Variants in DOCK8 observed in about 807,000 individuals in gnomAD.
DOCK8 encodes the protein dedicator of cytokinesis 8.
DOCK8 carries 141 observed loss-of-function variants against 245.6 expected under a neutral mutation model. The ratio of observed to expected loss-of-function variants is 0.57; its 90% CI spans 0.50 to 0.66. The LOEUF (loss-of-function observed/expected upper bound fraction) is 0.66, where lower values mean the gene tolerates loss of function less well. Ranked by LOEUF, DOCK8 falls within the 30% of genes least tolerant of loss-of-function variation. DOCK8 has a pLI of 0.00. For synonymous variants in DOCK8, 1,168 were observed against 970.2 expected (o/e 1.20, Z -3.79); for missense variants, 2,965 against 2,603.4 (o/e 1.14, Z -3.02).
chr9:340,050 C>A, intron 13 of DOCK8, 109 bp from the exon 14 acceptor site: 1 of 1,313,922 alleles, frequency 7.6e-7, no homozygotes, highest in Non-Finnish European at 1.1e-6. Flanking sequence ...TTTTACAGTA[C>A]TATAGTTTGT....
chr9:416,998 T>A (rs188201014), intron 29 of DOCK8, among the ~76,000 whole-genome samples: 73 of 152,344 alleles, frequency 4.8e-4, no homozygotes, highest in Non-Finnish European at 1.3e-4. Context: ...TAAGTATTTC[T>A]AAAAATTGGG....
rs114833839 is a variant in DOCK8 at position 304,711 on chromosome 9, C to G, written c.528+7C>G. The G allele has an allele frequency of 1.2e-6, 2 of 1,614,008 alleles. No homozygotes were observed. Among genetic ancestry groups the G allele is most frequent in the Admixed American group, 1.7e-5 (1 of 59,994 alleles). Reference sequence around the variant, plus strand: ...CAGTGAACCCGCTGCTCAGGTATTTCCTGTCAACAAACATGGTTACCAGGT... The same window carrying G: ...CAGTGAACCCGCTGCTCAGGTATTTGCTGTCAACAAACATGGTTACCAGGT... On this transcript the variant is annotated splice_region_variant and intron_variant, in intron 5 of 47. Coordinates refer to ENST00000432829, the MANE Select transcript of DOCK8 (RefSeq NM_203447.4).
At chr9:351,406 T>C (rs113953110) in intron 14 of DOCK8, among the ~76,000 whole-genome samples, 2 of 152,212 alleles carry the variant, frequency 1.3e-5, no homozygotes, top group African/African-American at 4.8e-5. Context: ...AGGGAGTGCC[T>C]TTCTCACTCA....
intron 18 of DOCK8, 102 bp from the exon 19 acceptor site, chr9:376,108 T>A (rs977828608): frequency 2.8e-5 from 24 of 863,736 alleles, no homozygotes; most frequent in Non-Finnish European, 4.2e-5. Flanking sequence ...AGTTCTGTAT[T>A]TGTATAACCC....
intron 1 of DOCK8, among the ~76,000 whole-genome samples, chr9:265,403 C>T (rs7021486): frequency 0.029 from 4,409 of 152,252 alleles, 191 homozygotes; most frequent in African/African-American, 0.1. Flanking sequence ...TGGTTGCATG[C>T]ATAGGTACAC....
chr9:396,940 T>A lies in DOCK8; in HGVS notation c.3120+6T>A. ...TTTTAGTAAAACCACAGAAGGTAAC[T>A]GTATTTTACTCTTTATTTTCTAAAT... On this transcript the variant is annotated splice_donor_region_variant and intron_variant, in intron 25 of 47. Transcript: ENST00000432829. 6.2e-7 allele frequency: 1 copy of A among 1,613,346 alleles called. No homozygotes were observed. Among genetic ancestry groups the A allele is most frequent in the South Asian group, 1.1e-5 (1 of 91,070 alleles).
At chr9:226,935 A>C (rs751592302) in intron 1 of DOCK8, among the ~76,000 whole-genome samples, 1 of 152,218 alleles carries the variant, frequency 6.6e-6, no homozygotes, top group African/African-American at 2.4e-5. Context: ...AGAAAGCTAT[A>C]TGCGTAATAT....
At chr9:397,607 T>G (rs2054524979) in intron 25 of DOCK8, among the ~76,000 whole-genome samples, 1 of 151,198 alleles carries the variant, frequency 6.6e-6, no homozygotes, top group Non-Finnish European at 1.5e-5. Context: ...GAAGAATCGC[T>G]TGAGCCCAGG....
intron 33 of DOCK8, among the ~76,000 whole-genome samples, chr9:425,591 T>C (rs1298457225): frequency 6.6e-6 from 1 of 151,222 alleles, no homozygotes; most frequent in Non-Finnish European, 1.5e-5. Context: ...AATTTGATGT[T>C]ATGTGTACTT....
chr9:400,310 T>TCACCACCACCACCTCCACCATCAC (rs1254588552), intron 26 of DOCK8, among the ~76,000 whole-genome samples: 1 of 13,798 alleles, frequency 7.2e-5, no homozygotes, highest in Non-Finnish European at 1.1e-4. Flanking sequence ...ATCTTCACCG[T>TCACCACCACCACCTCCACCATCAC]CACCACCACC....
intron 27 of DOCK8, 130 bp from the exon 28 acceptor site, chr9:406,800 C>A: frequency 9.1e-7 from 1 of 1,100,798 alleles, no homozygotes; most frequent in Non-Finnish European, 1.3e-6. Flanking sequence ...CCTTATCTGG[C>A]ACCAGAGTAC....
chr9:282,069 G>A (rs930670166), intron 2 of DOCK8, among the ~76,000 whole-genome samples: 4 of 152,194 alleles, frequency 2.6e-5, no homozygotes, highest in Non-Finnish European at 4.4e-5. Context: ...TTGCCACACA[G>A]TGCTTAATGA....
At chr9:367,179 T>G (rs2053046140) in intron 14 of DOCK8, among the ~76,000 whole-genome samples, 1 of 152,092 alleles carries the variant, frequency 6.6e-6, no homozygotes, top group Non-Finnish European at 1.5e-5. Flanking sequence ...TGACTCAGGA[T>G]AAGTCCTGTT....
intron 1 of DOCK8, among the ~76,000 whole-genome samples, chr9:261,993 G>GGAGA (rs2129786061): frequency 9.4e-6 from 1 of 106,094 alleles, no homozygotes; most frequent in African/African-American, 3.7e-5. Context: ...TCAAAAGAAA[G>GGAGA]AAGGAGAAAG....
At chr9:296,517 G>T (rs962628319) in intron 4 of DOCK8, among the ~76,000 whole-genome samples, 1 of 152,148 alleles carries the variant, frequency 6.6e-6, no homozygotes, top group Non-Finnish European at 1.5e-5. Context: ...AAGGAAGGTT[G>T]AGCTCAAGGA....
At chr9:257,291 G>A (rs1052584717) in intron 1 of DOCK8, among the ~76,000 whole-genome samples, 2 of 152,164 alleles carry the variant, frequency 1.3e-5, no homozygotes, top group Non-Finnish European at 2.9e-5. Flanking sequence ...TTAAATGGAT[G>A]TCTGTTAGAA....
At chr9:270,313 T>C (rs559778297) in intron 1 of DOCK8, among the ~76,000 whole-genome samples, 1 of 152,360 alleles carries the variant, frequency 6.6e-6, no homozygotes, top group Admixed American at 6.5e-5. Flanking sequence ...TCCAGTCTTA[T>C]TCTTCCAATC....
Position 367,868 on chromosome 9 carries a change from A to G in DOCK8, c.1680-150A>G, listed in dbSNP as rs77053404. On this transcript the variant is annotated intron_variant, in intron 14 of 47. Coordinates refer to ENST00000432829, the MANE Select transcript of DOCK8 (RefSeq NM_203447.4). ...GTAGCTGAAGAGGAAGAATCAAGTA[A>G]TTCACTCCCCCCAATAATAATTCAC... 9.0e-3 allele frequency: 6,089 copies of G among 674,876 alleles called. 56 individuals are homozygous for G. Among genetic ancestry groups the G allele is most frequent in the Middle Eastern group, 0.022 (55 of 2,492 alleles). The allele number at this position is 674,876 out of a possible 1,614,324, so 41.8% of individuals were successfully genotyped here.
chr9:421,926 T>A, intron 32 of DOCK8, 122 bp from the exon 33 acceptor site: 2 of 867,352 alleles, frequency 2.3e-6, no homozygotes, highest in South Asian at 2.8e-5. Flanking sequence ...GCAACCTGCA[T>A]GGACTCTAAT....
Sources: gnomAD v4.1 joint callset for allele counts (sites outside exome capture counted in the v4.1 genomes callset) on GRCh38, gnomAD v4.1.1 for gene constraint, MANE v1.5 for transcripts, NCBI Gene and HGNC (gene_info 2026-07-23, HGNC 2026-07-21) for gene names.